Variants in ARHGEF1 observed in about 807,000 individuals in gnomAD.
The protein encoded by ARHGEF1 is Rho guanine nucleotide exchange factor 1.
Under a neutral mutation model 119.7 loss-of-function variants are expected in ARHGEF1, and 40 were observed. The ratio of observed to expected loss-of-function variants is 0.33; its 90% CI spans 0.26 to 0.44. ARHGEF1 has a LOEUF of 0.44. ARHGEF1 is among the 20% of genes least tolerant of loss of function. ARHGEF1 has a pLI of 1.00. For missense variants in ARHGEF1, 976 were observed against 1,268.3 expected (o/e 0.77, Z 3.50); for synonymous variants, 494 against 521.0 (o/e 0.95, Z 0.71).
At chr19:41,908,726 C>T, downstream of ARHGEF1, 1 of 1,022,828 alleles carries the variant, frequency 9.8e-7, no homozygotes. The surrounding 1 kb of genome is among the most constrained non-coding windows in gnomAD (Gnocchi z 6.7). Context: ...TGCCTGGGGA[C>T]CAGTAAAGGG....
At chr19:41,921,749 G>A (rs1162252118), upstream of ARHGEF1, among the ~76,000 whole-genome samples, 1 of 152,076 alleles carries the variant, frequency 6.6e-6, no homozygotes, top group Non-Finnish European at 1.5e-5. The surrounding 1 kb of genome is among the most constrained non-coding windows in gnomAD (Gnocchi z 4.4). Flanking sequence ...AGGCTCAGGT[G>A]TAGGCCGGGT....
At chr19:41,929,934 G>C (rs527650881) in exon 3 of ARHGEF1, 1 of 152,280 alleles carries the variant, frequency 6.6e-6, no homozygotes, top group African/African-American at 2.4e-5. Context: ...CACTCACTCA[G>C]GCAAGTCGCT....
chr19:41,889,296 A>G lies in ARHGEF1; in HGVS notation c.225+431A>G, dbSNP rs1485723014. ...AGTCATTCACGGTTGATGGTTGGGA[A>G]AAAGAAGCTGTTAGCCATCCCAGGT... On this transcript the variant is annotated intron_variant, in intron 4 of 28. Transcript: ENST00000354532. The surrounding 1 kb of genome is among the most constrained non-coding windows in gnomAD (Gnocchi z 4.0). 1 of 161,708 alleles carries G rather than the reference A, an allele frequency of 6.2e-6. No homozygotes were observed. Among genetic ancestry groups the G allele is most frequent in the African/African-American group, 2.4e-5 (1 of 41,812 alleles). The allele number at this position is 161,708 out of a possible 1,614,324, so 10.0% of individuals were successfully genotyped here. A position where few individuals can be genotyped will look rare whatever the true frequency, so the allele number is the denominator to read the frequency against.
chr19:41,900,761 GC>G (rs1439600021), intron 14 of ARHGEF1: 1 of 151,082 alleles, frequency 6.6e-6, no homozygotes, highest in African/African-American at 2.5e-5. Context: ...AAAGGGAAAG[GC>G]AGTGGGTTGA....
At chr19:41,912,781 A>G in intron 18 of ARHGEF1, 1 of 443,552 alleles carries the variant, frequency 2.3e-6, no homozygotes. Context: ...AGACACGGAG[A>G]GAAGGGGGAT....
intron 4 of ARHGEF1, 148 bp from the exon 5 acceptor site, chr19:41,891,877 G>A (rs1318838702): frequency 1.1e-5 from 7 of 615,756 alleles, no homozygotes; most frequent in Admixed American, 3.4e-5. Flanking sequence ...CTTTAGGGGT[G>A]GAGGTCAGGG....
rs1405507253 is a variant in ARHGEF1 at position 41,925,628 on chromosome 19, GTGGTGCT to G, written c.140+2399_140+2405del. 5.3e-5 allele frequency among the ~76,000 whole-genome samples: 8 copies of G among 152,274 alleles called. No individual in the cohort carries two copies. In the East Asian group the frequency reaches 9.6e-4, roughly 18 times the overall value. On this transcript the variant is annotated intron_variant, in intron 1 of 2. Transcript: ENST00000594417. ...TACTAGTGTGTGGATTGGTGATCAGGTGGTGCTTGGGGTTAGGACACAGGTGGGGAAG... is the reference window on the plus strand; with the variant it reads ...TACTAGTGTGTGGATTGGTGATCAGGTGGGGTTAGGACACAGGTGGGGAAG...
chr19:41,896,422 C>T lies in ARHGEF1; in HGVS notation c.1061C>T (p.Pro354Leu). 3 of 1,471,612 alleles carry T rather than the reference C, an allele frequency of 2.0e-6. No homozygotes were observed. The highest frequency in any genetic ancestry group is 2.7e-6 in the Non-Finnish European group (3 of 1,112,306). 91.2% of individuals were successfully genotyped at this position (1,471,612 alleles called of 1,614,324 possible). ...CTGGGGGACTCATCCCCGCAGGGCCCAATGAGCCTGGAGTCCTTGGCGCCC... is the reference window on the plus strand; with the variant it reads ...CTGGGGGACTCATCCCCGCAGGGCCTAATGAGCCTGGAGTCCTTGGCGCCC... The part of the protein sequence containing the change: ...LELGDSSPQG[P>L]MSLESLAPPE... Residue 354 changes from proline to leucine, a missense_variant, in exon 13 of 29, where the codon CCA becomes CTA. Coordinates refer to ENST00000354532, the MANE Select transcript of ARHGEF1 (RefSeq NM_004706.4).
At position 41,904,531 on chromosome 19, in the gene ARHGEF1, G is replaced by A. The variant is rs1599662907; in HGVS notation, c.2161+148G>A. 1.0e-6 allele frequency: 1 copy of A among 988,714 alleles called. No homozygotes were observed. 61.2% of individuals were successfully genotyped at this position (988,714 alleles called of 1,614,324 possible). ...AAGTAGGTGGAGGTGGGCAGGGCGGGGCCAGGCCTAGAGGGTTTATAAGTG... is the reference window on the plus strand; with the variant it reads ...AAGTAGGTGGAGGTGGGCAGGGCGGAGCCAGGCCTAGAGGGTTTATAAGTG... On this transcript the variant is annotated intron_variant, in intron 22 of 28. Transcript: ENST00000354532. This position sits in a 1 kb window ranked among gnomAD's most constrained non-coding sequence, Gnocchi z 8.4.
rs1555846938 is a variant in ARHGEF1 at position 41,894,137 on chromosome 19, T to TGTGTGTGTGTGTGTGTGA, written c.645-53_645-52insAGTGTGTGTGTGTGTGTG. ...GAGAGAGAGAGAGTGTGTGTGTGAG[T>TGTGTGTGTGTGTGTGTGA]GTGTGTGTGTGTGTGTGTGTGTGTG... On this transcript the variant is annotated intron_variant, in intron 8 of 28. Transcript: ENST00000354532. 3.5e-4 allele frequency: 231 copies of TGTGTGTGTGTGTGTGTGA among 668,986 alleles called. No homozygotes were observed. In the African/African-American group the frequency reaches 4.0e-3, roughly 12 times the overall value. 41.4% of individuals were successfully genotyped at this position (668,986 alleles called of 1,614,324 possible). A position where few individuals can be genotyped will look rare whatever the true frequency, so the allele number is the denominator to read the frequency against.
chr19:41,903,586 G>A lies in ARHGEF1; in HGVS notation c.1840-121G>A. On this transcript the variant is annotated intron_variant, in intron 19 of 28. Transcript: ENST00000354532. The surrounding 1 kb of genome is among the most constrained non-coding windows in gnomAD (Gnocchi z 4.2). ...CCCTCTCAGGGTCATTGGAGGTCAGGCCCAACCCTCAGCTTGCCCGCATCA... is the reference window on the plus strand; with the variant it reads ...CCCTCTCAGGGTCATTGGAGGTCAGACCCAACCCTCAGCTTGCCCGCATCA... 2 of 1,195,062 alleles carry A rather than the reference G, an allele frequency of 1.7e-6. No individual in the cohort carries two copies. The highest frequency in any genetic ancestry group is 2.4e-6 in the Non-Finnish European group (2 of 834,870). The allele number at this position is 1,195,062 out of a possible 1,614,324, so 74.0% of individuals were successfully genotyped here.
chr19:41,904,978 TG>T lies in ARHGEF1; in HGVS notation c.2194del (p.Asp732ThrfsTer31). The T allele has an allele frequency of 6.2e-7, 1 of 1,614,150 alleles. No homozygotes were observed. The highest frequency in any genetic ancestry group is 8.5e-7 in the Non-Finnish European group (1 of 1,179,988). On this transcript the variant is annotated frameshift_variant, in exon 23 of 29. Transcript: ENST00000354532. LOFTEE classifies it high-confidence loss of function. The surrounding 1 kb of genome is among the most constrained non-coding windows in gnomAD (Gnocchi z 8.4). ...CAAAGCCTTCTACGTCCTTTTTACC[TG>T]GGACCAGGAGGCCCAGATATACGAG... ...DHKAFYVLFT[W>X]DQEAQIYELV...
At chr19:41,899,835 C>T (rs1350458166) in intron 14 of ARHGEF1, among the ~76,000 whole-genome samples, 2 of 151,188 alleles carry the variant, frequency 1.3e-5, no homozygotes, top group Non-Finnish European at 2.9e-5. Context: ...TTACAGATTA[C>T]TTCATAGTGA....
upstream of ARHGEF1, chr19:41,923,087 C>T (rs1555852774): frequency 4.4e-6 from 2 of 454,308 alleles, no homozygotes; most frequent in South Asian, 1.6e-5. Flanking sequence ...TTTTGCTTCC[C>T]TCAGCACCCC....
Position 41,917,652 on chromosome 19 carries a change from G to A in ARHGEF1, c.1866-5440G>A, listed in dbSNP as rs112478345. Among the ~76,000 whole-genome samples the A allele has an allele frequency of 0.036, 5,408 of 151,484 alleles. 311 individuals are homozygous for A. Among genetic ancestry groups the A allele is most frequent in the African/African-American group, 0.12 (5,107 of 41,186 alleles). On this transcript the variant is annotated intron_variant, in intron 18 of 20. Transcript: ENST00000599589. This position sits in a 1 kb window ranked among gnomAD's most constrained non-coding sequence, Gnocchi z 4.8. The stretch of plus-strand genomic sequence containing the variant: ...ACACCATGCCCCAAAGCACACGCAC[G>A]CACGCACACACACACCCTGACTGCA...
intron 13 of ARHGEF1, chr19:41,898,048 C>A: frequency 7.5e-7 from 1 of 1,340,664 alleles, no homozygotes; most frequent in South Asian, 2.0e-5. Flanking sequence ...GGGGCCGCTC[C>A]CGGAGCGACG....
chr19:41,903,215 C>T lies in ARHGEF1; in HGVS notation c.1739-92C>T. 8.5e-7 allele frequency: 1 copy of T among 1,179,006 alleles called. No individual in the cohort carries two copies. Among genetic ancestry groups the T allele is most frequent in the Non-Finnish European group, 1.2e-6 (1 of 804,950 alleles). 73.0% of individuals were successfully genotyped at this position (1,179,006 alleles called of 1,614,324 possible). A position where few individuals can be genotyped will look rare whatever the true frequency, so the allele number is the denominator to read the frequency against. On this transcript the variant is annotated intron_variant, in intron 18 of 28. Transcript: ENST00000354532. The surrounding 1 kb of genome is among the most constrained non-coding windows in gnomAD (Gnocchi z 4.2). The stretch of plus-strand genomic sequence containing the variant: ...TGGATTACAGGCGTGAGCCACCATG[C>T]CCGGCCAGCTGTCCTTTGTCTAACC...
chr19:41,915,749 C>G (rs1555851903), intron 18 of ARHGEF1, among the ~76,000 whole-genome samples: 1 of 152,188 alleles, frequency 6.6e-6, no homozygotes, highest in East Asian at 1.9e-4. Flanking sequence ...CTTGGGGTCC[C>G]TTTGATCTCA....
At chr19:41,897,414 C>A in intron 13 of ARHGEF1, 1 of 1,036,096 alleles carries the variant, frequency 9.7e-7, no homozygotes. Flanking sequence ...CACTCCCTCC[C>A]CTTCACTCCC....
Sources: allele counts gnomAD v4.1 joint callset (sites outside exome capture counted in the v4.1 genomes callset), GRCh38; gene constraint gnomAD v4.1.1; non-coding constraint Gnocchi (gnomAD v3.1); transcripts MANE v1.5; gene names NCBI Gene and HGNC (gene_info 2026-07-23, HGNC 2026-07-21).